Variants in RETREG1 observed in about 807,000 individuals in gnomAD.
RETREG1 encodes family with sequence similarity 134 member B.
Under a neutral mutation model 54.8 loss-of-function variants are expected in RETREG1, and 44 were observed. That is an observed-to-expected ratio of 0.80 (90% CI 0.63 to 1.03). The LOEUF is 1.03. RETREG1 is among the 50% of genes least tolerant of loss of function. The probability of loss-of-function intolerance (pLI) is 0.00; values close to 1 mark genes in which losing one functional copy is unlikely to be tolerated. For missense variants in RETREG1, 554 were observed against 605.1 expected (o/e 0.92, Z 0.89); for synonymous variants, 217 against 238.5 (o/e 0.91, Z 0.83).
At chr5:16,496,403 C>A (rs1675841467) in intron 3 of RETREG1, among the ~76,000 whole-genome samples, 1 of 152,154 alleles carries the variant, frequency 6.6e-6, no homozygotes, top group South Asian at 2.1e-4. Context: ...ATGGACCTTG[C>A]CCCATCCACA....
At chr5:16,545,803 T>A (rs1741370199) in intron 3 of RETREG1, among the ~76,000 whole-genome samples, 1 of 152,244 alleles carries the variant, frequency 6.6e-6, no homozygotes, top group Non-Finnish European at 1.5e-5. Flanking sequence ...CGAGGGCATT[T>A]CTGTCTGTTG....
intron 1 of RETREG1, among the ~76,000 whole-genome samples, chr5:16,588,530 G>C (rs1742676918): frequency 6.6e-6 from 1 of 152,160 alleles, no homozygotes; most frequent in African/African-American, 2.4e-5. Context: ...CCGGCCCCAA[G>C]GTCACTCCTG....
intron 1 of RETREG1, among the ~76,000 whole-genome samples, chr5:16,590,380 C>T (rs1326416346): frequency 1.3e-5 from 2 of 152,178 alleles, no homozygotes; most frequent in African/African-American, 4.8e-5. Flanking sequence ...ACCTGCACCT[C>T]GAAGGACAAG....
rs1044469921 is a variant in RETREG1, at chr5:16,528,803, T to C, written c.458+36960A>G. ...TCTATAAAGGGCTAGACAGGAACTA[T>C]GTTCAGCTTTGTGGGCCATACAGTG... On this transcript the variant is annotated intron_variant, in intron 3 of 8. Transcript: ENST00000306320. Among the ~76,000 whole-genome samples, 8 of 152,188 alleles carry C rather than the reference T, an allele frequency of 5.3e-5. 1 individual carries two copies. The highest frequency in any genetic ancestry group is 3.9e-4 in the East Asian group (2 of 5,184).
chr5:16,588,932 G>T (rs181013457), intron 1 of RETREG1, among the ~76,000 whole-genome samples: 1 of 152,164 alleles, frequency 6.6e-6, no homozygotes, highest in South Asian at 2.1e-4. Flanking sequence ...GTCATCCTCT[G>T]GGGGCCACTT....
intron 3 of RETREG1, among the ~76,000 whole-genome samples, chr5:16,498,507 G>A (rs994279582): frequency 2.0e-5 from 3 of 152,220 alleles, no homozygotes; most frequent in East Asian, 1.9e-4. Context: ...GAGCTCAGGA[G>A]TTCAACACCA....
At chr5:16,608,467 G>T (rs1743256063) in intron 1 of RETREG1, among the ~76,000 whole-genome samples, 2 of 151,890 alleles carry the variant, frequency 1.3e-5, no homozygotes, top group South Asian at 4.2e-4. Flanking sequence ...TTTTCTTCTG[G>T]GCTTATACAA....
intron 3 of RETREG1, among the ~76,000 whole-genome samples, chr5:16,549,764 C>T (rs960531804): frequency 1.3e-5 from 2 of 152,144 alleles, no homozygotes; most frequent in African/African-American, 4.8e-5. Context: ...ATTCAGTTTT[C>T]GTGCCACAGC....
At chr5:16,616,626 C>A (rs1474971887) in intron 1 of RETREG1, 26 bp downstream of exon 1, 2 of 1,569,610 alleles carry the variant, frequency 1.3e-6, no homozygotes, top group Admixed American at 3.6e-5. Flanking sequence ...CCCTCCTCAG[C>A]GCCCCCACCT....
At chr5:16,568,685 G>A (rs1217764856) in intron 2 of RETREG1, among the ~76,000 whole-genome samples, 1 of 152,150 alleles carries the variant, frequency 6.6e-6, no homozygotes, top group Non-Finnish European at 1.5e-5. Flanking sequence ...AGGGGCTGGA[G>A]GAAGGGGGAA....
intron 1 of RETREG1, among the ~76,000 whole-genome samples, chr5:16,587,803 C>T (rs1742662540): frequency 6.6e-6 from 1 of 152,186 alleles, no homozygotes; most frequent in Non-Finnish European, 1.5e-5. Flanking sequence ...CTTGGGTGTG[C>T]TCAATTGTTC....
intron 1 of RETREG1, among the ~76,000 whole-genome samples, chr5:16,579,623 G>A (rs748059700): frequency 1.3e-5 from 2 of 152,066 alleles, no homozygotes; most frequent in East Asian, 1.9e-4. Context: ...TCCCTGTCTC[G>A]CCCAAGCTCT....
At chr5:16,582,118 T>TA (rs1394211918) in intron 1 of RETREG1, among the ~76,000 whole-genome samples, 1 of 152,222 alleles carries the variant, frequency 6.6e-6, no homozygotes, top group Non-Finnish European at 1.5e-5. Context: ...ATGCTATACA[T>TA]AAATACATAA....
At chr5:16,577,614 G>A (rs1670612433) in intron 1 of RETREG1, among the ~76,000 whole-genome samples, 1 of 152,144 alleles carries the variant, frequency 6.6e-6, no homozygotes, top group African/African-American at 2.4e-5. Flanking sequence ...AGATAGTGAA[G>A]CAGTTCCCTA....
At chr5:16,516,842 T>G (rs1031958476) in intron 3 of RETREG1, among the ~76,000 whole-genome samples, 1 of 152,126 alleles carries the variant, frequency 6.6e-6, no homozygotes, top group Non-Finnish European at 1.5e-5. Context: ...GGCTCATGCC[T>G]GTAATCTCAG....
intron 1 of RETREG1, among the ~76,000 whole-genome samples, chr5:16,583,988 G>A (rs148737229): frequency 1.8e-3 from 281 of 152,298 alleles, no homozygotes; most frequent in African/African-American, 6.2e-3. Context: ...AATGGCATTC[G>A]CAGCAACCTG....
chr5:16,530,136 C>G (rs1740869786), intron 3 of RETREG1, among the ~76,000 whole-genome samples: 1 of 152,200 alleles, frequency 6.6e-6, no homozygotes, highest in African/African-American at 2.4e-5. Context: ...TTCGGGGAAC[C>G]TAACCTGGCT....
intron 5 of RETREG1, among the ~76,000 whole-genome samples, chr5:16,480,764 T>C (rs1738734775): frequency 6.6e-6 from 1 of 152,108 alleles, no homozygotes. Flanking sequence ...ATGTATACTT[T>C]TACTGACAAA....
At chr5:16,553,360 T>C (rs905277780) in intron 3 of RETREG1, among the ~76,000 whole-genome samples, 5 of 151,554 alleles carry the variant, frequency 3.3e-5, no homozygotes, top group African/African-American at 1.2e-4. Context: ...GAAGAGCACA[T>C]AAATATGGTA....
Sources: gnomAD v4.1 joint callset for allele counts (sites outside exome capture counted in the v4.1 genomes callset) on GRCh38, gnomAD v4.1.1 for gene constraint, MANE v1.5 for transcripts, NCBI Gene and HGNC (gene_info 2026-07-23, HGNC 2026-07-21) for gene names.